Variants in NYAP2 observed in about 807,000 individuals in gnomAD.
The protein encoded by NYAP2 is neuronal tyrosine-phosphorylated phosphoinositide-3-kinase adapter 2.
In NYAP2, 23 loss-of-function variants were observed where a neutral mutation model predicts 50.4. The ratio of observed to expected loss-of-function variants is 0.46; its 90% CI spans 0.33 to 0.65. The LOEUF (loss-of-function observed/expected upper bound fraction) is 0.65, where lower values mean the gene tolerates loss of function less well. Ranked by LOEUF, NYAP2 falls within the 30% of genes least tolerant of loss-of-function variation. The pLI is 0.02. For missense variants in NYAP2, 885 were observed against 861.0 expected (o/e 1.03, Z -0.35); for synonymous variants, 394 against 365.2 (o/e 1.08, Z -0.90).
exon 7 of NYAP2, chr2:225,651,884 G>T: frequency 4.4e-6 from 1 of 229,550 alleles, no homozygotes; most frequent in Non-Finnish European, 8.4e-6. Flanking sequence ...CATGTTTTGT[G>T]TACTTTTATA....
At chr2:225,596,289 T>C (rs181067372) in intron 5 of NYAP2, among the ~76,000 whole-genome samples, 2 of 152,348 alleles carry the variant, frequency 1.3e-5, no homozygotes, top group Admixed American at 6.5e-5. Context: ...ACTCTGCTCC[T>C]TCATTTTTAT....
At chr2:225,664,905 G>T in the NYAP2 span, among the ~76,000 whole-genome samples, 1 of 151,810 alleles carries the variant, frequency 6.6e-6, no homozygotes, top group Non-Finnish European at 1.5e-5. Flanking sequence ...ACCCCCAAAG[G>T]TTTATGAATA....
At chr2:225,647,631 G>T (rs1172069780) in intron 6 of NYAP2, among the ~76,000 whole-genome samples, 1 of 152,126 alleles carries the variant, frequency 6.6e-6, no homozygotes, top group African/African-American at 2.4e-5. Context: ...TTGAGGAGTT[G>T]CAGTGACCTT....
intron 3 of NYAP2, among the ~76,000 whole-genome samples, chr2:225,490,769 C>T (rs1390096942): frequency 6.6e-6 from 1 of 152,188 alleles, no homozygotes; most frequent in Non-Finnish European, 1.5e-5. Context: ...GTGCCTTTGT[C>T]TTTTCTCCAA....
intron 4 of NYAP2, among the ~76,000 whole-genome samples, chr2:225,553,147 G>A (rs759142833): frequency 6.6e-6 from 1 of 152,222 alleles, no homozygotes; most frequent in Non-Finnish European, 1.5e-5. Flanking sequence ...CTGACGGGAC[G>A]TCCCTGCCTG....
chr2:225,400,699 C>A (rs536318364), exon 2 of NYAP2: 12 of 152,198 alleles, frequency 7.9e-5, no homozygotes, highest in African/African-American at 2.6e-4. Context: ...TTCATCCCCA[C>A]CCATTAGCTA....
the NYAP2 span, among the ~76,000 whole-genome samples, chr2:225,695,622 A>G: frequency 6.6e-6 from 1 of 151,810 alleles, no homozygotes; most frequent in Non-Finnish European, 1.5e-5. Flanking sequence ...ATTCTGTGTT[A>G]TAAATTTCAT....
rs577317179 is a variant in NYAP2 at position 225,401,551 on chromosome 2, A to G, written c.-18+508A>G. Among the ~76,000 whole-genome samples, 13 of 152,152 alleles carry G rather than the reference A, an allele frequency of 8.5e-5. No individual in the cohort carries two copies. In the South Asian group the frequency reaches 2.3e-3, roughly 27 times the overall value. ...ACACTGCTTCTTCCTGACTGATTAG[A>G]CATAAACCTCTTTGAGAAACATTTT... is the stretch of plus-strand genomic sequence containing the variant. On this transcript the variant is annotated intron_variant, in intron 2 of 6. Coordinates refer to ENST00000636099, the Ensembl canonical transcript of NYAP2.
chr2:225,502,354 C>T (rs1690621826), intron 3 of NYAP2, among the ~76,000 whole-genome samples: 1 of 152,106 alleles, frequency 6.6e-6, no homozygotes, highest in African/African-American at 2.4e-5. Context: ...TTCCTTTCTC[C>T]TTCATCATAA....
intron 2 of NYAP2, among the ~76,000 whole-genome samples, chr2:225,406,717 TA>T (rs1415943564): frequency 6.6e-6 from 1 of 152,012 alleles, no homozygotes; most frequent in African/African-American, 2.4e-5. Flanking sequence ...TTTTTGTTTT[TA>T]AAAAATGCAT....
intron 4 of NYAP2, among the ~76,000 whole-genome samples, chr2:225,518,195 C>T (rs1211412879): frequency 6.6e-6 from 1 of 151,702 alleles, no homozygotes; most frequent in Admixed American, 6.6e-5. Context: ...GAATAAAATC[C>T]TGACATTTTT....
the NYAP2 span, among the ~76,000 whole-genome samples, chr2:225,661,538 G>C: frequency 6.6e-6 from 1 of 152,132 alleles, no homozygotes; most frequent in African/African-American, 2.4e-5. Flanking sequence ...TTTTGAAGTA[G>C]GTAATATTAT....
intron 4 of NYAP2, among the ~76,000 whole-genome samples, chr2:225,545,836 A>G (rs1379672575): frequency 6.6e-6 from 1 of 152,092 alleles, no homozygotes; most frequent in Non-Finnish European, 1.5e-5. Context: ...TCCTTATTGG[A>G]AAGACTTTCT....
chr2:225,571,693 C>T (rs868103694), intron 4 of NYAP2, among the ~76,000 whole-genome samples: 2 of 152,292 alleles, frequency 1.3e-5, no homozygotes, highest in Non-Finnish European at 1.5e-5. Context: ...GGCCTCTGGG[C>T]CTGTGATGGG....
intron 3 of NYAP2, among the ~76,000 whole-genome samples, chr2:225,435,292 C>A (rs74872523): frequency 6.6e-6 from 1 of 151,978 alleles, no homozygotes; most frequent in Non-Finnish European, 1.5e-5. Flanking sequence ...AGTAAAGAAT[C>A]GGGTAAGAAA....
chr2:225,473,669 C>T (rs1273911980), intron 3 of NYAP2, among the ~76,000 whole-genome samples: 14 of 151,658 alleles, frequency 9.2e-5, no homozygotes, highest in Admixed American at 2.6e-4. Flanking sequence ...TGTTTTTTTC[C>T]TGTAAATTTG....
At chr2:225,598,682 G>A (rs1269434660) in intron 5 of NYAP2, among the ~76,000 whole-genome samples, 4 of 152,208 alleles carry the variant, frequency 2.6e-5, no homozygotes, top group East Asian at 1.9e-4. Flanking sequence ...GCATAGAGAA[G>A]GCAATGCATG....
intron 4 of NYAP2, among the ~76,000 whole-genome samples, chr2:225,576,473 C>A (rs150182385): frequency 1.3e-5 from 2 of 152,136 alleles, no homozygotes; most frequent in African/African-American, 4.8e-5. Context: ...ATAAAAATAT[C>A]CTTCAGAGTC....
intron 3 of NYAP2, among the ~76,000 whole-genome samples, chr2:225,434,153 GAC>G (rs956612453): frequency 1.1e-4 from 17 of 152,270 alleles, no homozygotes; most frequent in African/African-American, 4.1e-4. Flanking sequence ...TGATGTAAAT[GAC>G]ACAGCGTAAA....
Sources: allele counts gnomAD v4.1 joint callset (sites outside exome capture counted in the v4.1 genomes callset), GRCh38; gene constraint gnomAD v4.1.1; transcripts MANE v1.5; gene names NCBI Gene and HGNC (gene_info 2026-07-23, HGNC 2026-07-21).